AHI1: variants seen among roughly 807,000 people sequenced by gnomAD.
AHI1 encodes jouberin.
In AHI1, 123 loss-of-function variants were observed where a neutral mutation model predicts 149.3. The ratio of observed to expected loss-of-function variants is 0.82; its 90% CI spans 0.71 to 0.96. AHI1 has a LOEUF of 0.96. AHI1 is among the 40% of genes least tolerant of loss of function. The probability of loss-of-function intolerance (pLI) is 0.00; values close to 1 mark genes in which losing one functional copy is unlikely to be tolerated. For synonymous variants in AHI1, 475 were observed against 459.8 expected (o/e 1.03, Z -0.42); for missense variants, 1,439 against 1,422.7 (o/e 1.01, Z -0.18).
In AHI1 at chr6:135,442,228, T is replaced by C. The variant is rs147614834; in HGVS notation, c.1912+354A>G. Among the ~76,000 whole-genome samples, 2 of 152,302 alleles carry C rather than the reference T, an allele frequency of 1.3e-5. 1 individual carries two copies. The highest frequency in any genetic ancestry group is 6.8e-3 in the Middle Eastern group (2 of 294). The stretch of plus-strand genomic sequence containing the variant: ...AATCTGGAGGCTTTTGTAACTCAAA[T>C]CATCACTGCTATCAACTAGCCACAT... On this transcript the variant is annotated intron_variant, in intron 14 of 28. Transcript: ENST00000265602.
intron 23 of AHI1, among the ~76,000 whole-genome samples, chr6:135,382,304 ATTTTCATTCAC>A (rs1011944192): frequency 1.3e-5 from 2 of 152,200 alleles, no homozygotes; most frequent in African/African-American, 4.8e-5. Flanking sequence ...GATTCTTTAC[ATTTTCATTCAC>A]TTTTCATTCA....
At chr6:135,355,362 A>G (rs1478407250) in intron 24 of AHI1, among the ~76,000 whole-genome samples, 1 of 151,936 alleles carries the variant, frequency 6.6e-6, no homozygotes, top group Admixed American at 6.5e-5. Context: ...AAGAAAAAAA[A>G]AACCCAAACA....
intron 23 of AHI1, among the ~76,000 whole-genome samples, chr6:135,376,795 T>C (rs1440118216): frequency 7.2e-6 from 1 of 139,852 alleles, no homozygotes; most frequent in Non-Finnish European, 1.5e-5. Context: ...GGCAGGAGAA[T>C]CACCTGAACC....
At chr6:135,413,543 T>G (rs1781912348) in intron 20 of AHI1, among the ~76,000 whole-genome samples, 1 of 151,556 alleles carries the variant, frequency 6.6e-6, no homozygotes, top group South Asian at 2.1e-4. Flanking sequence ...GTAAGGCAAG[T>G]GAGGCACACA....
intron 24 of AHI1, among the ~76,000 whole-genome samples, chr6:135,345,979 G>A (rs1161831666): frequency 1.3e-5 from 2 of 152,138 alleles, no homozygotes; most frequent in Non-Finnish European, 2.9e-5. Context: ...CCATGGAAAT[G>A]GACAAAAGAG....
intron 5 of AHI1, among the ~76,000 whole-genome samples, chr6:135,469,552 C>T (rs1455111702): frequency 1.3e-5 from 2 of 152,126 alleles, no homozygotes; most frequent in African/African-American, 2.4e-5. Flanking sequence ...AAGCTGGAGG[C>T]ATCACACTAC....
At chr6:135,363,439 T>C (rs1794240488) in intron 23 of AHI1, among the ~76,000 whole-genome samples, 1 of 152,154 alleles carries the variant, frequency 6.6e-6, no homozygotes, top group East Asian at 1.9e-4. Flanking sequence ...AAGTCTCCAA[T>C]GTCTACCTCT....
intron 10 of AHI1, among the ~76,000 whole-genome samples, chr6:135,454,736 AAATG>A (rs1375669140): frequency 1.3e-5 from 2 of 152,226 alleles, no homozygotes; most frequent in Admixed American, 1.3e-4. Context: ...CTTAATACTA[AAATG>A]AATACAGAAG....
intron 9 of AHI1, 140 bp downstream of exon 9, chr6:135,457,354 A>G: frequency 1.6e-6 from 1 of 627,460 alleles, no homozygotes; most frequent in Non-Finnish European, 2.8e-6. Context: ...TTAATGACTG[A>G]TGAACACCTA....
At chr6:135,310,735 A>C (rs1461378957) in intron 26 of AHI1, among the ~76,000 whole-genome samples, 1 of 152,226 alleles carries the variant, frequency 6.6e-6, no homozygotes, top group Non-Finnish European at 1.5e-5. Context: ...AAATAACAGT[A>C]GTTTCTCCAC....
At chr6:135,363,317 C>G (rs1232594359) in intron 23 of AHI1, among the ~76,000 whole-genome samples, 1 of 151,534 alleles carries the variant, frequency 6.6e-6, no homozygotes, top group East Asian at 1.9e-4. Flanking sequence ...TTAATCCATT[C>G]AACCCTGAGT....
intron 24 of AHI1, among the ~76,000 whole-genome samples, chr6:135,342,990 T>C (rs1790608579): frequency 6.7e-6 from 1 of 149,028 alleles, no homozygotes; most frequent in South Asian, 2.1e-4. Context: ...AGTAAAACTA[T>C]CTCTATTAGT....
At chr6:135,486,779 T>C (rs1400668589) in intron 5 of AHI1, among the ~76,000 whole-genome samples, 1 of 152,156 alleles carries the variant, frequency 6.6e-6, no homozygotes, top group Non-Finnish European at 1.5e-5. Context: ...TTATTAGTAT[T>C]ATTTTTGAGA....
chr6:135,392,705 T>C (rs1468188760), intron 23 of AHI1, among the ~76,000 whole-genome samples: 1 of 152,196 alleles, frequency 6.6e-6, no homozygotes, highest in African/African-American at 2.4e-5. Flanking sequence ...TACAAACTGA[T>C]TTGAACACTG....
In AHI1 at chr6:135,414,970, CA is replaced by C. The variant is rs1404672078; in HGVS notation, c.2765-3427del. 9.3e-5 allele frequency among the ~76,000 whole-genome samples: 11 copies of C among 117,778 alleles called. 1 individual carries two copies. The highest frequency in any genetic ancestry group is 1.9e-4 in the African/African-American group (6 of 31,520). 77.3% of individuals were successfully genotyped at this position (117,778 alleles called of 152,430 possible). ...TAATGCTATCCCTCCCCCCTCCCCC[CA>C]CCCCACAACAGGCCCCAGAGTGTGA... On this transcript the variant is annotated intron_variant, in intron 20 of 28. Transcript: ENST00000265602.
chr6:135,438,578 A>G lies in AHI1; in HGVS notation c.1913-80T>C, dbSNP rs146361738. 89 of 1,162,766 alleles carry G rather than the reference A, an allele frequency of 7.7e-5. No homozygotes were observed. In the East Asian group the frequency reaches 2.6e-3, roughly 34 times the overall value. 72.0% of individuals were successfully genotyped at this position (1,162,766 alleles called of 1,614,324 possible). A position where few individuals can be genotyped will look rare whatever the true frequency, so the allele number is the denominator to read the frequency against. On this transcript the variant is annotated intron_variant, in intron 14 of 28. Coordinates refer to ENST00000265602, the MANE Select transcript of AHI1 (RefSeq NM_001134831.2). Reference sequence around the variant, plus strand: ...ATATACAAATATATAATTTAATATTATTTAGACATAAGCAGTCTATAACAA... The same window carrying G: ...ATATACAAATATATAATTTAATATTGTTTAGACATAAGCAGTCTATAACAA...
At chr6:135,318,650 T>A (rs1242017982) in intron 25 of AHI1, 34 bp from the exon 26 acceptor site, 2 of 1,440,014 alleles carry the variant, frequency 1.4e-6, no homozygotes, top group South Asian at 1.3e-5. Context: ...TGTAATCAAA[T>A]TGAGGAGCAC....
chr6:135,460,298 CAA>C (rs946511867), intron 8 of AHI1, among the ~76,000 whole-genome samples: 1 of 152,046 alleles, frequency 6.6e-6, no homozygotes, highest in Admixed American at 6.6e-5. Flanking sequence ...AAATACAAAA[CAA>C]AAATTTTTTA....
In AHI1 at chr6:135,492,216, T is replaced by G. The variant is rs965690942; in HGVS notation, c.10+12A>C. On this transcript the variant is annotated intron_variant, in intron 4 of 28. Transcript: ENST00000265602. The stretch of plus-strand genomic sequence containing the variant: ...ATATAAATTTTATACATAAATTTCA[T>G]AGAAGTCTTACCTGTAGGCATCTCT... 6.6e-7 allele frequency: 1 copy of G among 1,514,406 alleles called. No homozygotes were observed. Among genetic ancestry groups the G allele is most frequent in the Non-Finnish European group, 8.9e-7 (1 of 1,126,584 alleles). 93.8% of individuals were successfully genotyped at this position (1,514,406 alleles called of 1,614,324 possible). A position where few individuals can be genotyped will look rare whatever the true frequency, so the allele number is the denominator to read the frequency against.
Sources: allele counts gnomAD v4.1 joint callset (sites outside exome capture counted in the v4.1 genomes callset), GRCh38; gene constraint gnomAD v4.1.1; transcripts MANE v1.5; gene names NCBI Gene and HGNC (gene_info 2026-07-23, HGNC 2026-07-21).